The following TRIM26 variants were observed in gnomAD, a reference collection of about 807,000 sequenced individuals.
TRIM26 encodes the protein tripartite motif-containing protein 26.
TRIM26 carries 16 observed loss-of-function variants against 45.5 expected under a neutral mutation model. The ratio of observed to expected loss-of-function variants is 0.35; its 90% confidence interval spans 0.24 to 0.53. TRIM26 has a LOEUF of 0.53. Ranked by LOEUF, TRIM26 falls within the 20% of genes least tolerant of loss-of-function variation. TRIM26 has a pLI of 0.92. For synonymous variants in TRIM26, 273 were observed against 290.4 expected (o/e 0.94, Z 0.61); for missense variants, 442 against 691.1 (o/e 0.64, Z 4.04).
intron 1 of TRIM26, among the ~76,000 whole-genome samples, chr6:30,206,308 A>G (rs1021319781): frequency 1.3e-5 from 2 of 152,184 alleles, no homozygotes; most frequent in African/African-American, 2.4e-5. Context: ...GTGACTGTGG[A>G]TGATGCGTTC....
At chr6:30,210,342 C>A (rs1778162814) in intron 1 of TRIM26, among the ~76,000 whole-genome samples, 2 of 152,154 alleles carry the variant, frequency 1.3e-5, no homozygotes, top group African/African-American at 2.4e-5. Context: ...AGGAAGACAG[C>A]CCCTTCTTCA....
At chr6:30,211,999 C>A (rs1199283705) in intron 1 of TRIM26, among the ~76,000 whole-genome samples, 2 of 152,184 alleles carry the variant, frequency 1.3e-5, no homozygotes, top group Non-Finnish European at 2.9e-5. Flanking sequence ...ACAATACACG[C>A]AAAGAGTGGA....
At position 30,199,017 on chromosome 6, in the gene TRIM26, A is replaced by G; in HGVS notation, c.87T>C (p.Ile29=). 1 of 1,611,286 alleles carries G rather than the reference A, an allele frequency of 6.2e-7. No individual in the cohort carries two copies. The highest frequency in any genetic ancestry group is 8.5e-7 in the Non-Finnish European group (1 of 1,178,742). ...TGCGGCAGAAGACGTGGCCACAGTC[A>G]ATGGTCACAGGGTCCCGCAGGTAAT... ...CLDYLRDPVT[I]DCGHVFCRSC... is the part of the protein sequence containing the mutation. The change falls in exon 4 of 10, where the codon ATT becomes ATC. Residue 29 remains isoleucine, a synonymous_variant. Transcript: ENST00000454678.
In TRIM26 at chr6:30,189,348, G is replaced by A; in HGVS notation, c.904+70C>T. On this transcript the variant is annotated intron_variant, in intron 8 of 9. Transcript: ENST00000454678. The surrounding 1 kb of genome is among the most constrained non-coding windows in gnomAD (Gnocchi z 5.0). ...AGGATCGACAAGGTGATGGAAAGGA[G>A]CTGGGTGCGCTCTTTCTACGAGGTA... The A allele has an allele frequency of 6.4e-7, 1 of 1,569,820 alleles. No individual in the cohort carries two copies. Among genetic ancestry groups the A allele is most frequent in the Non-Finnish European group, 8.8e-7 (1 of 1,140,924 alleles).
chr6:30,185,848 G>A lies in TRIM26; in HGVS notation c.*28C>T. ...ATTCCAAAGAAGTGAAGCATCTGAG[G>A]GTTGGGGCTGGGGGCAGATGTCAGG... On this transcript the variant is annotated 3_prime_UTR_variant, in exon 10 of 10. Transcript: ENST00000454678. The surrounding 1 kb of genome is among the most constrained non-coding windows in gnomAD (Gnocchi z 5.7). 1 of 1,589,636 alleles carries A rather than the reference G, an allele frequency of 6.3e-7. No individual in the cohort carries two copies. Among genetic ancestry groups the A allele is most frequent in the Non-Finnish European group, 8.6e-7 (1 of 1,166,488 alleles).
intron 6 of TRIM26, among the ~76,000 whole-genome samples, chr6:30,193,118 GTATA>G (rs879935271): frequency 3.8e-5 from 3 of 78,178 alleles, no homozygotes; most frequent in Admixed American, 3.1e-4. Flanking sequence ...ATATATATGT[GTATA>G]TATATATACA....
intron 1 of TRIM26, among the ~76,000 whole-genome samples, chr6:30,206,875 G>A (rs988919374): frequency 6.6e-6 from 1 of 152,216 alleles, no homozygotes; most frequent in East Asian, 1.9e-4. Context: ...CCAGAGCCTC[G>A]GACTCATTTG....
intron 1 of TRIM26, among the ~76,000 whole-genome samples, chr6:30,205,354 G>C (rs889367706): frequency 1.3e-5 from 2 of 152,168 alleles, no homozygotes; most frequent in Admixed American, 1.3e-4. Context: ...AGGCAGAACT[G>C]CAGACACTCC....
At chr6:30,191,176 T>C (rs901366024) in intron 6 of TRIM26, among the ~76,000 whole-genome samples, 2 of 152,058 alleles carry the variant, frequency 1.3e-5, no homozygotes, top group Non-Finnish European at 2.9e-5. Context: ...GAACAGAGCA[T>C]GGTTTGTACA....
In TRIM26 at chr6:30,189,066, G is replaced by A; in HGVS notation, c.937+101C>T. 7.5e-7 allele frequency: 1 copy of A among 1,338,708 alleles called. No individual in the cohort carries two copies. Among genetic ancestry groups the A allele is most frequent in the Non-Finnish European group, 1.0e-6 (1 of 969,242 alleles). The allele number at this position is 1,338,708 out of a possible 1,614,324, so 82.9% of individuals were successfully genotyped here. The stretch of plus-strand genomic sequence containing the variant: ...GTGCAGCTGGGAAATTCTTCCTGTT[G>A]CAAAAGGGGCTACCTGGGGGAAAAG... On this transcript the variant is annotated intron_variant, in intron 9 of 9. Coordinates refer to ENST00000454678, the MANE Select transcript of TRIM26 (RefSeq NM_003449.5). This position sits in a 1 kb window ranked among gnomAD's most constrained non-coding sequence, Gnocchi z 5.0.
chr6:30,204,917 G>A (rs1337877189), intron 1 of TRIM26, among the ~76,000 whole-genome samples, 152 bp from the exon 2 acceptor site: 1 of 152,060 alleles, frequency 6.6e-6, no homozygotes, highest in Non-Finnish European at 1.5e-5. Flanking sequence ...ATCCCTGCTG[G>A]GGGTGAGGGG....
At chr6:30,200,672 A>G (rs1463185708) in intron 3 of TRIM26, among the ~76,000 whole-genome samples, 2 of 152,204 alleles carry the variant, frequency 1.3e-5, no homozygotes, top group Admixed American at 6.5e-5. Context: ...GGCTGAGGTT[A>G]TGAGCCTCAG....
intron 1 of TRIM26, among the ~76,000 whole-genome samples, chr6:30,210,191 C>T (rs1000747081): frequency 1.4e-5 from 2 of 146,506 alleles, no homozygotes; most frequent in Admixed American, 1.4e-4. Context: ...GGTGACAGAG[C>T]GAGACTCTGA....
rs148135313 is a variant in TRIM26 at position 30,191,746 on chromosome 6, G to A, written c.766-1711C>T. On this transcript the variant is annotated intron_variant, in intron 6 of 9. Coordinates refer to ENST00000454678, the MANE Select transcript of TRIM26 (RefSeq NM_003449.5). ...ATCCCAACCCCCCGCTATGAAGCAA[G>A]TGCCCAGAGACTGGTAGCACATTTC... Among the ~76,000 whole-genome samples, 676 of 152,350 alleles carry A rather than the reference G, an allele frequency of 4.4e-3. 2 individuals carry two copies. Among genetic ancestry groups the A allele is most frequent in the African/African-American group, 0.011 (476 of 41,586 alleles).
At chr6:30,192,731 C>CTA (rs1021619465) in intron 6 of TRIM26, among the ~76,000 whole-genome samples, 23 of 152,210 alleles carry the variant, frequency 1.5e-4, no homozygotes, top group Middle Eastern at 6.8e-3. Flanking sequence ...CTTTTTCTTA[C>CTA]TATACTTTGA....
At chr6:30,211,998 G>A (rs1778334797) in intron 1 of TRIM26, among the ~76,000 whole-genome samples, 1 of 152,162 alleles carries the variant, frequency 6.6e-6, no homozygotes, top group African/African-American at 2.4e-5. Context: ...GACAATACAC[G>A]CAAAGAGTGG....
rs1775606179 is a variant in TRIM26, at chr6:30,189,625, G to A, written c.789-92C>T. The A allele has an allele frequency of 6.3e-6, 7 of 1,103,984 alleles. No individual in the cohort carries two copies. The highest frequency in any genetic ancestry group is 9.5e-6 in the Non-Finnish European group (7 of 736,924). The allele number at this position is 1,103,984 out of a possible 1,614,324, so 68.4% of individuals were successfully genotyped here. A position where few individuals can be genotyped will look rare whatever the true frequency, so the allele number is the denominator to read the frequency against. ...CAATCCTCATGGCAATTATGAAGGG[G>A]AGAGGAAAGGTATGATTATCCCCAA... is the stretch of plus-strand genomic sequence containing the variant. On this transcript the variant is annotated intron_variant, in intron 7 of 9. Transcript: ENST00000454678. This position sits in a 1 kb window ranked among gnomAD's most constrained non-coding sequence, Gnocchi z 5.0.
intron 6 of TRIM26, among the ~76,000 whole-genome samples, chr6:30,191,725 C>T (rs1775863721): frequency 6.6e-6 from 1 of 152,208 alleles, no homozygotes; most frequent in Non-Finnish European, 1.5e-5. Flanking sequence ...AGGCACATCC[C>T]AACCCCCCGC....
rs116798740 is a variant in TRIM26 at position 30,211,399 on chromosome 6, A to T, written c.-376+1906T>A. On this transcript the variant is annotated intron_variant, in intron 1 of 9. Transcript: ENST00000454678. ...ATTTCCCATTCTCTGTGTCTTTTCT[A>T]TTCTGATCCTGGGGGGGTCCAAGTC... 3.0e-3 allele frequency among the ~76,000 whole-genome samples: 458 copies of T among 152,198 alleles called. 3 individuals are homozygous for T. The highest frequency in any genetic ancestry group is 5.2e-3 in the Non-Finnish European group (355 of 68,004).
Sources: allele counts gnomAD v4.1 joint callset (sites outside exome capture counted in the v4.1 genomes callset), GRCh38; gene constraint gnomAD v4.1.1; non-coding constraint Gnocchi (gnomAD v3.1); transcripts MANE v1.5; gene names NCBI Gene and HGNC (gene_info 2026-07-23, HGNC 2026-07-21).